Variants in DOK5 observed in about 807,000 individuals in gnomAD.
DOK5 encodes docking protein 5.
In DOK5, 27 loss-of-function variants were observed where a neutral mutation model predicts 43.3. The ratio of observed to expected loss-of-function variants is 0.62; its 90% confidence interval spans 0.46 to 0.86. The LOEUF (loss-of-function observed/expected upper bound fraction) is 0.86, where lower values mean the gene tolerates loss of function less well. DOK5 is among the 40% of genes least tolerant of loss of function. DOK5 has a pLI of 0.00. For missense variants in DOK5, 373 were observed against 392.9 expected (o/e 0.95, Z 0.43); for synonymous variants, 146 against 140.1 (o/e 1.04, Z -0.30).
intron 1 of DOK5, among the ~76,000 whole-genome samples, chr20:54,497,219 C>G (rs1441952745): frequency 6.6e-6 from 1 of 152,162 alleles, no homozygotes; most frequent in Non-Finnish European, 1.5e-5. Flanking sequence ...TGGTTGTTCA[C>G]CTGGATTCCT....
chr20:54,612,908 C>T (rs1353900483), intron 6 of DOK5, among the ~76,000 whole-genome samples: 1 of 152,144 alleles, frequency 6.6e-6, no homozygotes, highest in Non-Finnish European at 1.5e-5. Flanking sequence ...TCCCTGAGCT[C>T]CAGTTTTCTC....
chr20:54,542,534 T>C (rs1984199695), intron 1 of DOK5, among the ~76,000 whole-genome samples: 2 of 152,234 alleles, frequency 1.3e-5, no homozygotes, highest in Non-Finnish European at 2.9e-5. Flanking sequence ...TGGTTGACAC[T>C]GGTCAACTTT....
intron 1 of DOK5, among the ~76,000 whole-genome samples, chr20:54,532,921 A>C (rs1983829020): frequency 6.6e-6 from 1 of 152,222 alleles, no homozygotes; most frequent in Admixed American, 6.5e-5. Context: ...TTGGCTTGAT[A>C]AACAAGTTGA....
intron 2 of DOK5, among the ~76,000 whole-genome samples, chr20:54,568,848 C>T (rs866171878): frequency 6.6e-6 from 1 of 151,662 alleles, no homozygotes; most frequent in Non-Finnish European, 1.5e-5. Context: ...GAGAATGGCC[C>T]GTGAACCCGG....
chr20:54,573,585 G>A (rs1190002852), intron 2 of DOK5, among the ~76,000 whole-genome samples: 2 of 151,266 alleles, frequency 1.3e-5, no homozygotes, highest in Non-Finnish European at 2.9e-5. Flanking sequence ...TACTTGGGAG[G>A]CTGAGGCAGG....
chr20:54,642,519 C>T (rs559992980), intron 6 of DOK5, among the ~76,000 whole-genome samples: 3 of 107,462 alleles, frequency 2.8e-5, no homozygotes, highest in African/African-American at 1.1e-4. Flanking sequence ...GCCTGGCCAA[C>T]ATGGAGAAAC....
intron 6 of DOK5, among the ~76,000 whole-genome samples, chr20:54,640,890 G>C (rs914511228): frequency 3.9e-5 from 6 of 152,126 alleles, no homozygotes; most frequent in Non-Finnish European, 7.4e-5. Flanking sequence ...AAATGAAATA[G>C]AATGTTACTA....
At chr20:54,619,876 C>A (rs1054891859) in intron 6 of DOK5, among the ~76,000 whole-genome samples, 3 of 152,144 alleles carry the variant, frequency 2.0e-5, no homozygotes, top group Admixed American at 1.3e-4. Context: ...ATCATAGAGT[C>A]AATTTCATTA....
intron 5 of DOK5, among the ~76,000 whole-genome samples, chr20:54,597,053 C>T (rs1383091648): frequency 6.6e-6 from 1 of 152,192 alleles, no homozygotes; most frequent in East Asian, 1.9e-4. Flanking sequence ...GGTTGGTTCA[C>T]TGAAGGCAGG....
chr20:54,504,955 G>A (rs1982751465), intron 1 of DOK5, among the ~76,000 whole-genome samples: 1 of 152,108 alleles, frequency 6.6e-6, no homozygotes, highest in South Asian at 2.1e-4. Flanking sequence ...CCTACTAACT[G>A]TGGATGGAAG....
intron 1 of DOK5, among the ~76,000 whole-genome samples, chr20:54,544,241 A>G (rs1244145207): frequency 6.6e-6 from 1 of 152,222 alleles, no homozygotes; most frequent in Non-Finnish European, 1.5e-5. Context: ...TGAAGGGTAT[A>G]TATGAATCTT....
Position 54,497,041 on chromosome 20 carries a change from C to T in DOK5, c.66+21029C>T, listed in dbSNP as rs115665298. Reference sequence around the variant, plus strand: ...CATGGCTACATTGTGATTCTGGACACGTTACTTAACCTCTCCTAATTTCTG... The same window carrying T: ...CATGGCTACATTGTGATTCTGGACATGTTACTTAACCTCTCCTAATTTCTG... On this transcript the variant is annotated intron_variant, in intron 1 of 7. Transcript: ENST00000262593. 4.7e-3 allele frequency among the ~76,000 whole-genome samples: 708 copies of T among 152,182 alleles called. 4 individuals carry two copies. Among genetic ancestry groups the T allele is most frequent in the African/African-American group, 0.016 (682 of 41,520 alleles).
chr20:54,507,281 C>A (rs1333703065), intron 1 of DOK5, among the ~76,000 whole-genome samples: 4 of 152,230 alleles, frequency 2.6e-5, no homozygotes, highest in East Asian at 1.9e-4. Flanking sequence ...TGTTCTACAG[C>A]AGCACTGTCC....
At chr20:54,526,967 A>T (rs1379475640) in intron 1 of DOK5, among the ~76,000 whole-genome samples, 1 of 152,224 alleles carries the variant, frequency 6.6e-6, no homozygotes, top group Non-Finnish European at 1.5e-5. Flanking sequence ...TTCCTGGTTT[A>T]TTGTTGTTGT....
chr20:54,476,664 G>T (rs6091890), intron 1 of DOK5, among the ~76,000 whole-genome samples: 15,598 of 152,112 alleles, frequency 0.1, 880 homozygotes, highest in African/African-American at 0.13. Flanking sequence ...CCACGGAAGG[G>T]TTATTTACGT....
chr20:54,534,503 A>C (rs1400644303), intron 1 of DOK5, among the ~76,000 whole-genome samples: 2 of 152,156 alleles, frequency 1.3e-5, no homozygotes, highest in African/African-American at 4.8e-5. Context: ...TGACTCCATA[A>C]TGTATTAGCT....
At position 54,476,056 on chromosome 20, in the gene DOK5, G is replaced by C. The variant is rs73141289; in HGVS notation, c.66+44G>C. On this transcript the variant is annotated intron_variant, in intron 1 of 7. Coordinates refer to ENST00000262593, the MANE Select transcript of DOK5 (RefSeq NM_018431.5). ...CGTGTTGCTGTTCGCCGGTTCGATT[G>C]TCTCTCTCTTGAGCCAGCATCCCTG... 1,223 of 1,608,068 alleles carry C rather than the reference G, an allele frequency of 7.6e-4. 2 individuals carry two copies. The highest frequency in any genetic ancestry group is 1.1e-3 in the Admixed American group (66 of 58,884).
chr20:54,574,228 C>T (rs148406095), intron 2 of DOK5, among the ~76,000 whole-genome samples: 151 of 152,208 alleles, frequency 9.9e-4, no homozygotes, highest in Admixed American at 2.5e-3. Context: ...CAGAGCATCA[C>T]CCATATCCCT....
At chr20:54,499,569 A>G (rs1405178492) in intron 1 of DOK5, among the ~76,000 whole-genome samples, 1 of 148,130 alleles carries the variant, frequency 6.8e-6, no homozygotes, top group South Asian at 2.1e-4. Context: ...TATGCAGCCA[A>G]TAATAGTGGA....
Sources: gnomAD v4.1 joint callset for allele counts (sites outside exome capture counted in the v4.1 genomes callset) on GRCh38, gnomAD v4.1.1 for gene constraint, MANE v1.5 for transcripts, NCBI Gene and HGNC (gene_info 2026-07-23, HGNC 2026-07-21) for gene names.